CTNND2: variants seen among roughly 807,000 people sequenced by gnomAD.
CTNND2 encodes the protein catenin delta-2.
In CTNND2, 22 loss-of-function variants were observed where a neutral mutation model predicts 144.4. The ratio of observed to expected loss-of-function variants is 0.15; its 90% CI spans 0.11 to 0.22. The LOEUF is 0.22. Ranked by LOEUF, CTNND2 falls within the 10% of genes least tolerant of loss-of-function variation. The probability of loss-of-function intolerance (pLI) is 1.00; values close to 1 mark genes in which losing one functional copy is unlikely to be tolerated. For synonymous variants in CTNND2, 751 were observed against 695.6 expected (o/e 1.08, Z -1.25); for missense variants, 1,353 against 1,618.8 (o/e 0.84, Z 2.82).
chr5:11,242,472 T>C (rs985475523), intron 9 of CTNND2, among the ~76,000 whole-genome samples: 17 of 152,146 alleles, frequency 1.1e-4, no homozygotes, highest in Non-Finnish European at 4.4e-5. Flanking sequence ...AAAGAATAAA[T>C]AGCGTCTAAA....
chr5:11,545,142 A>C (rs1775115803), intron 3 of CTNND2, among the ~76,000 whole-genome samples: 1 of 149,356 alleles, frequency 6.7e-6, no homozygotes. Context: ...AAAAGGAAAA[A>C]AAAAAAAAAG....
chr5:11,732,452 C>T (rs1787445608), intron 1 of CTNND2, among the ~76,000 whole-genome samples, 180 bp from the exon 2 acceptor site: 1 of 152,180 alleles, frequency 6.6e-6, no homozygotes, highest in African/African-American at 2.4e-5. Context: ...TACAAGTAAA[C>T]AGAATGTTTT....
At chr5:11,234,575 T>C (rs1459182540) in intron 10 of CTNND2, among the ~76,000 whole-genome samples, 1 of 152,188 alleles carries the variant, frequency 6.6e-6, no homozygotes, top group Non-Finnish European at 1.5e-5. Context: ...CACAGTGCAC[T>C]GGGGGTCATT....
chr5:11,749,306 G>A (rs1788481608), intron 1 of CTNND2, among the ~76,000 whole-genome samples: 1 of 152,054 alleles, frequency 6.6e-6, no homozygotes, highest in South Asian at 2.1e-4. Context: ...AGGGCAATGT[G>A]TTATGCAGCA....
At chr5:11,494,560 C>A (rs1769758182) in intron 3 of CTNND2, among the ~76,000 whole-genome samples, 2 of 152,116 alleles carry the variant, frequency 1.3e-5, no homozygotes, top group African/African-American at 2.4e-5. Flanking sequence ...AGCATTCGCT[C>A]ATTTCTGAAA....
intron 16 of CTNND2, among the ~76,000 whole-genome samples, chr5:11,053,921 G>A (rs1348920513): frequency 6.6e-6 from 1 of 152,200 alleles, no homozygotes; most frequent in Non-Finnish European, 1.5e-5. Flanking sequence ...AGAAAACCTT[G>A]TTGAAAGGAG....
chr5:11,038,816 C>G (rs1160290680), intron 16 of CTNND2, among the ~76,000 whole-genome samples: 1 of 152,192 alleles, frequency 6.6e-6, no homozygotes, highest in Non-Finnish European at 1.5e-5. Context: ...GTGAATGAAT[C>G]AACACTGCTT....
chr5:11,470,667 T>G (rs1767101396), intron 3 of CTNND2, among the ~76,000 whole-genome samples: 1 of 152,108 alleles, frequency 6.6e-6, no homozygotes, highest in South Asian at 2.1e-4. Flanking sequence ...TTATTCATCC[T>G]GCCTCCTTAA....
At chr5:11,175,918 A>G (rs1181142158) in intron 11 of CTNND2, among the ~76,000 whole-genome samples, 2 of 152,192 alleles carry the variant, frequency 1.3e-5, no homozygotes, top group Non-Finnish European at 2.9e-5. Context: ...TTGGAGATCT[A>G]CTAGCAGACA....
At chr5:11,120,502 G>C (rs200223375) in intron 12 of CTNND2, among the ~76,000 whole-genome samples, 4,336 of 24,500 alleles carry the variant, frequency 0.18, no homozygotes, top group Middle Eastern at 0.31. Context: ...TGTCCGCAGG[G>C]GTAATGAGGC....
At chr5:11,415,128 G>A (rs1761841225) in intron 3 of CTNND2, among the ~76,000 whole-genome samples, 1 of 152,190 alleles carries the variant, frequency 6.6e-6, no homozygotes, top group Admixed American at 6.5e-5. Flanking sequence ...GGGTTGAATA[G>A]CAGTTCTGCT....
intron 3 of CTNND2, among the ~76,000 whole-genome samples, chr5:11,485,639 G>A (rs1768752908): frequency 6.6e-6 from 1 of 151,910 alleles, no homozygotes; most frequent in Non-Finnish European, 1.5e-5. Context: ...ACCATTATTT[G>A]GTAAACAATA....
intron 1 of CTNND2, among the ~76,000 whole-genome samples, chr5:11,805,976 G>A (rs1272615294): frequency 1.3e-5 from 2 of 152,090 alleles, no homozygotes; most frequent in African/African-American, 4.8e-5. Context: ...AACCCTATCA[G>A]ACAGATTCCA....
chr5:11,153,524 T>C (rs544186366), intron 12 of CTNND2, among the ~76,000 whole-genome samples: 1 of 152,264 alleles, frequency 6.6e-6, no homozygotes, highest in South Asian at 2.1e-4. Flanking sequence ...CAGAGTGTGA[T>C]TATCATTAAC....
At chr5:11,540,354 T>G (rs1159174098) in intron 3 of CTNND2, among the ~76,000 whole-genome samples, 5 of 152,216 alleles carry the variant, frequency 3.3e-5, no homozygotes, top group African/African-American at 9.6e-5. Context: ...AAGGATGCAC[T>G]GTTCCCCTTC....
At chr5:11,534,378 G>C (rs547470720) in intron 3 of CTNND2, among the ~76,000 whole-genome samples, 158 of 152,162 alleles carry the variant, frequency 1.0e-3, no homozygotes, top group African/African-American at 3.7e-3. Context: ...CACTTTGGGA[G>C]GCCAAGGCAG....
At chr5:11,304,289 T>C (rs746005022) in intron 9 of CTNND2, among the ~76,000 whole-genome samples, 23 of 151,838 alleles carry the variant, frequency 1.5e-4, no homozygotes, top group Non-Finnish European at 2.9e-4. Flanking sequence ...TGGCCTTTTG[T>C]ATACATAAAT....
chr5:11,598,860 G>A (rs577170924), intron 2 of CTNND2, among the ~76,000 whole-genome samples: 76 of 152,212 alleles, frequency 5.0e-4, no homozygotes, highest in African/African-American at 1.2e-3. Context: ...CTGCTATCAA[G>A]AACTACCTGA....
At chr5:11,566,957 T>C (rs1005041489) in intron 2 of CTNND2, among the ~76,000 whole-genome samples, 40 of 152,278 alleles carry the variant, frequency 2.6e-4, no homozygotes, top group African/African-American at 9.4e-4. Context: ...CTTAGAGTTG[T>C]TATTATGGTG....
Sources: gnomAD v4.1 joint callset for allele counts (sites outside exome capture counted in the v4.1 genomes callset) on GRCh38, gnomAD v4.1.1 for gene constraint, MANE v1.5 for transcripts, NCBI Gene and HGNC (gene_info 2026-07-23, HGNC 2026-07-21) for gene names.